Variants in GSDMC observed in about 807,000 individuals in gnomAD.
GSDMC encodes the protein gasdermin-C.
Under a neutral mutation model 58.0 loss-of-function variants are expected in GSDMC, and 59 were observed. That is an observed-to-expected ratio of 1.02 (90% CI 0.82 to 1.26). The LOEUF (loss-of-function observed/expected upper bound fraction) is 1.26. Ranked by LOEUF, GSDMC falls within the 50% of genes most tolerant of loss-of-function variation. The pLI, the probability that GSDMC is intolerant of heterozygous loss-of-function variation, is 0.00. For synonymous variants in GSDMC, 241 were observed against 220.2 expected (o/e 1.09, Z -0.83); for missense variants, 659 against 598.5 (o/e 1.10, Z -1.06).
rs771206821 is a variant in GSDMC at position 129,750,059 on chromosome 8, GA to G, written c.1143del (p.Gln382AsnfsTer22). The G allele has an allele frequency of 6.2e-7, 1 of 1,610,450 alleles. No homozygotes were observed. The highest frequency in any genetic ancestry group is 8.5e-7 in the Non-Finnish European group (1 of 1,178,124). On this transcript the variant is annotated frameshift_variant, in exon 12 of 14. Transcript: ENST00000276708. LOFTEE classifies it high-confidence loss of function. ...AACCATGCATGGTTTGAATCCTGTT[GA>G]AGTTTCTTTAGGATGGCACCACCAG... is the stretch of plus-strand genomic sequence containing the variant. The part of the protein sequence containing the change: ...DGPGGAILKK[L>X]QQDSNHAWFN...
intron 10 of GSDMC, 71 bp downstream of exon 10, chr8:129,751,471 C>T: frequency 2.3e-6 from 3 of 1,327,694 alleles, no homozygotes; most frequent in South Asian, 1.3e-5. Flanking sequence ...TGCATAGAAA[C>T]CACCAACTTG....
chr8:129,749,572 A>AT, intron 12 of GSDMC, 47 bp from the exon 13 acceptor site: 1 of 1,416,070 alleles, frequency 7.1e-7, no homozygotes, highest in Non-Finnish European at 1.0e-6. Flanking sequence ...AAGAATCCAG[A>AT]TTTTTCCTCC....
At chr8:129,708,720 C>A in the GSDMC span, among the ~76,000 whole-genome samples, 1 of 152,266 alleles carries the variant, frequency 6.6e-6, no homozygotes, top group Non-Finnish European at 1.5e-5. Context: ...TTATTCAAGC[C>A]TTGCCAGATA....
At chr8:129,723,884 G>A in the GSDMC span, among the ~76,000 whole-genome samples, 1 of 152,318 alleles carries the variant, frequency 6.6e-6, no homozygotes, top group East Asian at 1.9e-4. Context: ...ACTTTTTCCA[G>A]ACTCTCAGTG....
chr8:129,763,483 C>G (rs182605952), intron 4 of GSDMC, among the ~76,000 whole-genome samples: 5 of 152,134 alleles, frequency 3.3e-5, no homozygotes, highest in African/African-American at 4.8e-5. Context: ...TGTATTTCCT[C>G]CTGAAAGATT....
intron 5 of GSDMC, among the ~76,000 whole-genome samples, chr8:129,760,802 A>G (rs1181022912): frequency 1.3e-5 from 2 of 152,198 alleles, no homozygotes; most frequent in African/African-American, 4.8e-5. Context: ...ACTTTTGGAA[A>G]TTACCTTGAT....
Position 129,748,638 on chromosome 8 carries a change from T to G in GSDMC, c.1390A>C (p.Thr464Pro). 6.2e-7 allele frequency: 1 copy of G among 1,611,582 alleles called. No individual in the cohort carries two copies. The highest frequency in any genetic ancestry group is 8.5e-7 in the Non-Finnish European group (1 of 1,178,952). ...CCACACTCCTCCAGCAGGCCATAGG[T>G]GATGGCCAAACCCTCACTCTGGAGT... ...APLQSEGLAI[T>P]YGLLEECGLR... The change falls in exon 14 of 14, where the codon ACC becomes CCC. Residue 464 changes from threonine (T) to proline (P), a missense_variant. By Grantham distance (38) the Thr-to-Pro change is conservative. Coordinates refer to ENST00000276708, the MANE Select transcript of GSDMC (RefSeq NM_031415.3).
Position 129,754,301 on chromosome 8 carries a change from G to GAC in GSDMC, c.722-1482_722-1481insGT, listed in dbSNP as rs537529715. 1.3e-4 allele frequency among the ~76,000 whole-genome samples: 20 copies of GAC among 152,046 alleles called. No individual in the cohort carries two copies. In the East Asian group the frequency reaches 3.9e-3, roughly 29 times the overall value. On this transcript the variant is annotated intron_variant, in intron 6 of 13. Coordinates refer to ENST00000276708, the MANE Select transcript of GSDMC (RefSeq NM_031415.3). ...TCCCAATTTCAGGTGGCTCAGTACA[G>GAC]AGAGAGAGACCCCATTTGTTTGGGA...
the GSDMC span, chr8:129,730,470 T>G: frequency 2.2e-6 from 2 of 912,860 alleles, no homozygotes; most frequent in Non-Finnish European, 3.1e-6. Context: ...CATACACTTT[T>G]GTAGCTTAGA....
rs2033263523 is a variant in GSDMC at position 129,752,754 on chromosome 8, T to C, written c.788A>G (p.His263Arg). ...ARSEGLLPSFHTISPTLFNAS... is the reference protein window; with the variant it reads ...ARSEGLLPSFRTISPTLFNAS... ...ATTGAAGAGGGTTGGAGAGATGGTATGAAATGATGGTAGCAACCCCTCACT... is the reference window on the plus strand; with the variant it reads ...ATTGAAGAGGGTTGGAGAGATGGTACGAAATGATGGTAGCAACCCCTCACT... Residue 263 changes from histidine (H) to arginine (R), a missense_variant, in exon 7 of 14, where the codon CAT becomes CGT. Physicochemically the swap from His to Arg is conservative, Grantham distance 29 (BLOSUM62 0). Transcript: ENST00000276708. 13 of 1,614,222 alleles carry C rather than the reference T, an allele frequency of 8.1e-6. No individual in the cohort carries two copies. Among genetic ancestry groups the C allele is most frequent in the Non-Finnish European group, 1.1e-5 (13 of 1,180,036 alleles).
chr8:129,752,062 G>T, intron 8 of GSDMC, 44 bp downstream of exon 8: 1 of 1,580,668 alleles, frequency 6.3e-7, no homozygotes, highest in Non-Finnish European at 8.7e-7. Context: ...GTGGTTTTTT[G>T]TTGTGCAGAT....
the GSDMC span, among the ~76,000 whole-genome samples, chr8:129,717,189 A>G: frequency 1.3e-5 from 2 of 150,154 alleles, no homozygotes; most frequent in Non-Finnish European, 3.0e-5. Flanking sequence ...TTCAGAAGGA[A>G]TGGTACCAGC....
At chr8:129,770,313 G>A (rs1326779664) in intron 3 of GSDMC, among the ~76,000 whole-genome samples, 1 of 151,426 alleles carries the variant, frequency 6.6e-6, no homozygotes, top group African/African-American at 2.4e-5. Context: ...TGACTAATAT[G>A]GCAAAACCCT....
chr8:129,710,667 G>A, the GSDMC span, among the ~76,000 whole-genome samples: 1 of 152,188 alleles, frequency 6.6e-6, no homozygotes, highest in Non-Finnish European at 1.5e-5. Context: ...CAGGCATACT[G>A]AGTCATGATG....
intron 5 of GSDMC, among the ~76,000 whole-genome samples, chr8:129,761,539 A>T (rs534886823): frequency 3.3e-5 from 5 of 152,314 alleles, no homozygotes; most frequent in Non-Finnish European, 7.4e-5. Context: ...CATGTTCTGT[A>T]GGGTCTTCTT....
chr8:129,782,914 C>G (rs934100099), intron 1 of GSDMC, among the ~76,000 whole-genome samples: 7 of 150,494 alleles, frequency 4.7e-5, no homozygotes, highest in African/African-American at 1.7e-4. Flanking sequence ...AAAAAAAAAA[C>G]TACAAGCCAA....
intron 6 of GSDMC, among the ~76,000 whole-genome samples, chr8:129,753,221 C>T (rs764539793): frequency 1.3e-5 from 2 of 152,276 alleles, no homozygotes; most frequent in Non-Finnish European, 2.9e-5. Flanking sequence ...GTGCAGCTCA[C>T]AGAAATGAAA....
the GSDMC span, among the ~76,000 whole-genome samples, chr8:129,713,070 C>G: frequency 6.6e-6 from 1 of 152,236 alleles, no homozygotes; most frequent in Non-Finnish European, 1.5e-5. Flanking sequence ...ATGCAACAGA[C>G]TCACGCACTT....
At chr8:129,736,865 T>C in the GSDMC span, among the ~76,000 whole-genome samples, 1 of 152,320 alleles carries the variant, frequency 6.6e-6, no homozygotes, top group East Asian at 1.9e-4. Flanking sequence ...TGTTTGCAGA[T>C]CACATGATTG....
Sources: allele counts gnomAD v4.1 joint callset (sites outside exome capture counted in the v4.1 genomes callset), GRCh38; gene constraint gnomAD v4.1.1; transcripts MANE v1.5; gene names NCBI Gene and HGNC (gene_info 2026-07-23, HGNC 2026-07-21).